PDE8A: variants seen among roughly 807,000 people sequenced by gnomAD.
The protein encoded by PDE8A is high affinity cAMP-specific and IBMX-insensitive 3',5'-cyclic phosphodiesterase 8A.
In PDE8A, 59 loss-of-function variants were observed where a neutral mutation model predicts 105.0. The observed-to-expected ratio is 0.56, with a 90% CI of 0.46 to 0.70. The LOEUF (loss-of-function observed/expected upper bound fraction) is 0.70, where lower values mean the gene tolerates loss of function less well. PDE8A is among the 30% of genes least tolerant of loss of function. PDE8A has a pLI of 0.00. For synonymous variants in PDE8A, 355 were observed against 371.9 expected (o/e 0.95, Z 0.52); for missense variants, 1,014 against 1,045.9 (o/e 0.97, Z 0.42).
At chr15:85,008,960 C>T (rs1291789631) in intron 1 of PDE8A, among the ~76,000 whole-genome samples, 1 of 152,188 alleles carries the variant, frequency 6.6e-6, no homozygotes, top group Non-Finnish European at 1.5e-5. Flanking sequence ...TGTCCCTTGT[C>T]TTCAGGGCTC....
At chr15:85,006,588 A>G (rs534620337) in intron 1 of PDE8A, among the ~76,000 whole-genome samples, 2 of 152,138 alleles carry the variant, frequency 1.3e-5, no homozygotes, top group South Asian at 4.1e-4. Context: ...AATTTTTTTT[A>G]TATTGTCTAT....
chr15:85,097,982 A>C lies in PDE8A; in HGVS notation c.887A>C (p.Asn296Thr). The C allele has an allele frequency of 6.2e-7, 1 of 1,603,532 alleles. No individual in the cohort carries two copies. Among genetic ancestry groups the C allele is most frequent in the East Asian group, 2.2e-5 (1 of 44,818 alleles). The change falls in exon 9 of 22, where the codon AAC becomes ACC. Residue 296 changes from asparagine (N) to threonine (T), a missense_variant. Transcript: ENST00000394553. ...GGAATTTACTATGCCAAAAAGAAAA[A>C]CGGAGATAATATACAACAAAATGTG... ...WQGIYYAKKKNGDNIQQNVKI... is the reference protein window; with the variant it reads ...WQGIYYAKKKTGDNIQQNVKI...
intron 6 of PDE8A, among the ~76,000 whole-genome samples, chr15:85,088,623 G>A (rs896371398): frequency 2.0e-5 from 3 of 152,306 alleles, no homozygotes; most frequent in East Asian, 1.9e-4. Flanking sequence ...CCAAAAAGGG[G>A]CTGCACTTTT....
chr15:84,980,902 T>G (rs2079696008), upstream of PDE8A, among the ~76,000 whole-genome samples: 1 of 152,164 alleles, frequency 6.6e-6, no homozygotes, highest in South Asian at 2.1e-4. Context: ...GCCTGTGTAA[T>G]CCGAGGCGTG....
chr15:85,074,322 A>C (rs368847441), intron 3 of PDE8A, among the ~76,000 whole-genome samples: 2 of 152,212 alleles, frequency 1.3e-5, no homozygotes, highest in African/African-American at 2.4e-5. Flanking sequence ...GGTAGAGTTG[A>C]GTAGTTGTGA....
Position 85,137,795 on chromosome 15 carries a change from A to G in PDE8A, c.2384-2A>G. 6.3e-7 allele frequency: 1 copy of G among 1,584,650 alleles called. No homozygotes were observed. The highest frequency in any genetic ancestry group is 8.7e-7 in the Non-Finnish European group (1 of 1,153,044). ...ATATCACATTCCTATCTTTCTCTCC[A>G]GCCTTTGTAGACCTGCCTGATTTAA... On this transcript the variant is annotated splice_acceptor_variant, in intron 21 of 21. Transcript: ENST00000394553. LOFTEE classifies it high-confidence loss of function.
intron 7 of PDE8A, chr15:85,090,729 C>G: frequency 2.2e-6 from 1 of 461,918 alleles, no homozygotes; most frequent in Non-Finnish European, 4.3e-6. Flanking sequence ...CCTGTTGTAG[C>G]AGCTCCTGGT....
intron 1 of PDE8A, among the ~76,000 whole-genome samples, chr15:85,005,850 T>G (rs1165566552): frequency 6.6e-6 from 1 of 151,692 alleles, no homozygotes; most frequent in Non-Finnish European, 1.5e-5. Context: ...AAAAGGAAAT[T>G]GGGCCAAGGG....
At chr15:85,124,965 T>A (rs1198414545) in intron 19 of PDE8A, among the ~76,000 whole-genome samples, 1 of 152,208 alleles carries the variant, frequency 6.6e-6, no homozygotes, top group Admixed American at 6.5e-5. Context: ...TGAAAATCAA[T>A]ATCCAGTGGG....
At chr15:85,053,537 A>G (rs1481615795) in intron 1 of PDE8A, among the ~76,000 whole-genome samples, 2 of 152,152 alleles carry the variant, frequency 1.3e-5, no homozygotes, top group Non-Finnish European at 2.9e-5. Flanking sequence ...GGTCCTTCAC[A>G]TCCCTTGTAA....
At chr15:85,073,758 G>A (rs16974791) in intron 3 of PDE8A, among the ~76,000 whole-genome samples, 33,945 of 152,148 alleles carry the variant, frequency 0.22, 3,982 homozygotes, top group East Asian at 0.38. Flanking sequence ...ATCAGTGTTA[G>A]GATGAGTATT....
chr15:84,981,867 G>C lies in PDE8A; in HGVS notation c.-296G>C, dbSNP rs189021191. ...ATTTCCCCGGAAGCGCGGCCGAGGCGAGCCCGGCGATGTGAGAGGCGGCCG... is the reference window on the plus strand; with the variant it reads ...ATTTCCCCGGAAGCGCGGCCGAGGCCAGCCCGGCGATGTGAGAGGCGGCCG... On this transcript the variant is annotated 5_prime_UTR_variant, in exon 1 of 22. Transcript: ENST00000394553. The C allele has an allele frequency of 1.9e-4, 39 of 204,804 alleles. No homozygotes were observed. In the East Asian group the frequency reaches 4.3e-3, roughly 23 times the overall value. 12.7% of individuals were successfully genotyped at this position (204,804 alleles called of 1,614,324 possible). A position where few individuals can be genotyped will look rare whatever the true frequency, so the allele number is the denominator to read the frequency against.
At chr15:85,015,187 G>C (rs78449742) in intron 1 of PDE8A, among the ~76,000 whole-genome samples, 4,497 of 151,788 alleles carry the variant, frequency 0.03, 245 homozygotes, top group African/African-American at 0.1. Flanking sequence ...TCATGTTGGT[G>C]AACATTTGAA....
intron 20 of PDE8A, among the ~76,000 whole-genome samples, chr15:85,130,958 T>C (rs1257369023): frequency 6.6e-6 from 1 of 152,066 alleles, no homozygotes. Context: ...CGGGGTTTCA[T>C]GTTGGTCAGG....
At chr15:85,128,485 G>C (rs1012172289) in intron 20 of PDE8A, among the ~76,000 whole-genome samples, 4 of 152,048 alleles carry the variant, frequency 2.6e-5, no homozygotes, top group Non-Finnish European at 5.9e-5. Flanking sequence ...GACAGAGCAA[G>C]ACTGTGTCTT....
chr15:85,087,732 T>C (rs1264860446), intron 6 of PDE8A, among the ~76,000 whole-genome samples: 2 of 152,186 alleles, frequency 1.3e-5, no homozygotes, highest in Non-Finnish European at 2.9e-5. Flanking sequence ...TGATAAAGAA[T>C]GAAAATTATT....
At chr15:85,056,876 TGGA>T (rs1391074467) in intron 1 of PDE8A, among the ~76,000 whole-genome samples, 3 of 152,212 alleles carry the variant, frequency 2.0e-5, no homozygotes, top group Non-Finnish European at 4.4e-5. Flanking sequence ...TGCGTTCCTT[TGGA>T]GGAGAAGAGG....
intron 1 of PDE8A, among the ~76,000 whole-genome samples, chr15:85,032,759 T>C (rs1035589140): frequency 3.4e-4 from 52 of 152,268 alleles, no homozygotes; most frequent in African/African-American, 1.2e-3. Context: ...AAAAGGTCAA[T>C]TTAAATGCAT....
chr15:85,122,562 T>C (rs2141625807), intron 18 of PDE8A, among the ~76,000 whole-genome samples: 1 of 152,352 alleles, frequency 6.6e-6, no homozygotes, highest in East Asian at 1.9e-4. Context: ...AGGGATTGAA[T>C]AGAGACTTTG....
Sources: gnomAD v4.1 joint callset for allele counts (sites outside exome capture counted in the v4.1 genomes callset) on GRCh38, gnomAD v4.1.1 for gene constraint, MANE v1.5 for transcripts, NCBI Gene and HGNC (gene_info 2026-07-23, HGNC 2026-07-21) for gene names.